The following STAB2 variants were observed in gnomAD, a reference collection of about 807,000 sequenced individuals.
STAB2 encodes the protein stabilin 2, also known as stabilin-2.
In STAB2, 288 loss-of-function variants were observed where a neutral mutation model predicts 338.1. The ratio of observed to expected loss-of-function variants is 0.85; its 90% CI spans 0.77 to 0.94. The LOEUF is 0.94. STAB2 is among the 40% of genes least tolerant of loss of function. STAB2 has a pLI of 0.00. For missense variants in STAB2, 3,141 were observed against 3,210.1 expected (o/e 0.98, Z 0.52); for synonymous variants, 1,202 against 1,193.3 (o/e 1.01, Z -0.15).
intron 27 of STAB2, among the ~76,000 whole-genome samples, chr12:103,685,451 T>TGC (rs1201045974): frequency 5.8e-5 from 8 of 138,046 alleles, no homozygotes; most frequent in East Asian, 2.6e-4. Context: ...TGTGTGTGTG[T>TGC]GTGCGCGTGC....
chr12:103,719,898 A>G (rs703654), intron 44 of STAB2, among the ~76,000 whole-genome samples: 46,373 of 152,082 alleles, frequency 0.3, 10,137 homozygotes, highest in African/African-American at 0.62. Flanking sequence ...TGGGGTGCTT[A>G]TTCTTCCTAC....
chr12:103,668,817 T>A, intron 20 of STAB2, 88 bp downstream of exon 20: 1 of 1,209,066 alleles, frequency 8.3e-7, no homozygotes, highest in Non-Finnish European at 1.1e-6. Flanking sequence ...GTCCACGTGG[T>A]CACAGGTGGC....
intron 19 of STAB2, among the ~76,000 whole-genome samples, chr12:103,666,951 C>T (rs568486591): frequency 1.4e-4 from 21 of 152,324 alleles, no homozygotes; most frequent in African/African-American, 5.1e-4. Context: ...ATCTGAGAAG[C>T]TCCATCTAAA....
chr12:103,692,992 A>G, intron 31 of STAB2, 103 bp downstream of exon 31: 1 of 840,286 alleles, frequency 1.2e-6, no homozygotes, highest in South Asian at 1.8e-5. Context: ...ACTTAGCCTT[A>G]TATGGAAGTA....
chr12:103,715,524 A>G (rs998949229), intron 42 of STAB2, among the ~76,000 whole-genome samples: 4 of 152,202 alleles, frequency 2.6e-5, no homozygotes, highest in East Asian at 1.9e-4. Context: ...CCAAGATTCT[A>G]TGGTTTCAAG....
intron 58 of STAB2, among the ~76,000 whole-genome samples, chr12:103,748,625 C>A (rs947673413): frequency 1.4e-5 from 1 of 74,008 alleles, no homozygotes; most frequent in Non-Finnish European, 2.9e-5. Context: ...CACACACACA[C>A]ACACACACAC....
rs113246772 is a variant in STAB2 at position 103,663,130 on chromosome 12, G to A, written c.2022+132G>A. The A allele has an allele frequency of 2.6e-4, 296 of 1,153,704 alleles. 1 individual carries two copies. Among genetic ancestry groups the A allele is most frequent in the Middle Eastern group, 9.4e-4 (4 of 4,266 alleles). The allele number at this position is 1,153,704 out of a possible 1,614,324, so 71.5% of individuals were successfully genotyped here. On this transcript the variant is annotated intron_variant, in intron 18 of 68. Transcript: ENST00000388887. ...AGAACCTTGTCCCCAAAGGGCTTCC[G>A]TCTTCATGAAGATGCAGGTGGATCT...
intron 42 of STAB2, 79 bp downstream of exon 42, chr12:103,713,847 T>C (rs1880083870): frequency 1.3e-6 from 2 of 1,571,224 alleles, no homozygotes; most frequent in African/African-American, 1.3e-5. Context: ...GTGTGTGCCC[T>C]GATTATCAGG....
chr12:103,676,222 G>A (rs749525430), intron 24 of STAB2, among the ~76,000 whole-genome samples: 88 of 151,870 alleles, frequency 5.8e-4, no homozygotes, highest in Non-Finnish European at 1.1e-3. Flanking sequence ...CCACCACCCC[G>A]GCTAATTTTT....
At chr12:103,594,326 G>T in intron 2 of STAB2, 69 bp from the exon 3 acceptor site, 2 of 1,175,788 alleles carry the variant, frequency 1.7e-6, no homozygotes, top group Admixed American at 1.7e-5. Flanking sequence ...GAAAGCTAAG[G>T]CAATTCTACC....
chr12:103,759,877 T>C (rs1038370898), intron 65 of STAB2, among the ~76,000 whole-genome samples: 4 of 152,222 alleles, frequency 2.6e-5, no homozygotes, highest in Admixed American at 1.3e-4. Context: ...AACCCTCATA[T>C]GGAGAATAGA....
At chr12:103,739,557 G>GTA (rs1882415653) in intron 54 of STAB2, 89 bp downstream of exon 54, 2 of 937,722 alleles carry the variant, frequency 2.1e-6, no homozygotes, top group Admixed American at 3.1e-5. Flanking sequence ...GTGTGTGTGT[G>GTA]TGTGTGTGTG....
chr12:103,750,724 A>G lies in STAB2; in HGVS notation c.6580+4A>G. ...TGTGTCGACCTCCACTTCCAGGGTT[A>G]GTGTGACCAGGGCCTATGGCCCAAA... is the stretch of plus-strand genomic sequence containing the variant. On this transcript the variant is annotated splice_donor_region_variant and intron_variant, in intron 60 of 68. Transcript: ENST00000388887. The G allele has an allele frequency of 6.2e-7, 1 of 1,611,838 alleles. No homozygotes were observed. Among genetic ancestry groups the G allele is most frequent in the South Asian group, 1.1e-5 (1 of 90,962 alleles).
intron 22 of STAB2, 137 bp from the exon 23 acceptor site, chr12:103,673,770 C>T (rs918417911): frequency 6.5e-6 from 6 of 926,578 alleles, no homozygotes; most frequent in Non-Finnish European, 7.9e-6. Context: ...AGTCTTCTCC[C>T]GGCTCAGCCC....
intron 56 of STAB2, among the ~76,000 whole-genome samples, chr12:103,744,153 T>G (rs958973474): frequency 6.6e-6 from 1 of 151,320 alleles, no homozygotes; most frequent in East Asian, 1.9e-4. Context: ...AATGTTACTT[T>G]TTTTTTTTGA....
intron 34 of STAB2, 26 bp from the exon 35 acceptor site, chr12:103,703,122 G>A: frequency 6.2e-7 from 1 of 1,602,722 alleles, no homozygotes; most frequent in Non-Finnish European, 8.5e-7. Context: ...GTCATAAAAA[G>A]TGACATTTAA....
intron 3 of STAB2, among the ~76,000 whole-genome samples, chr12:103,612,271 G>T (rs1029297496): frequency 2.0e-5 from 3 of 152,204 alleles, no homozygotes; most frequent in Non-Finnish European, 4.4e-5. Context: ...ATAATATCCT[G>T]CAGAGTGTTT....
chr12:103,703,149 T>C lies in STAB2; in HGVS notation c.3716T>C (p.Leu1239Pro). ...FLSFFLHNDQ[L>P]YVNEAPINYT... ...GACATTTAACCCTGTTGTTCACAGC[T>C]CTATGTAAATGAGGCTCCAATAAAC... Residue 1239 changes from leucine (L) to proline (P), a missense_variant and splice_region_variant, in exon 35 of 69, where the codon CTC (leucine) becomes CCC (proline). Transcript: ENST00000388887. 1.2e-6 allele frequency: 2 copies of C among 1,613,168 alleles called. No individual in the cohort carries two copies. The highest frequency in any genetic ancestry group is 1.7e-6 in the Non-Finnish European group (2 of 1,179,860).
chr12:103,713,263 A>C (rs77976636), intron 41 of STAB2, among the ~76,000 whole-genome samples: 1,583 of 152,266 alleles, frequency 0.01, 27 homozygotes, highest in African/African-American at 0.036. Flanking sequence ...AAAAAATGGA[A>C]AATCTTAAGG....
Sources: allele counts gnomAD v4.1 joint callset (sites outside exome capture counted in the v4.1 genomes callset), GRCh38; gene constraint gnomAD v4.1.1; transcripts MANE v1.5; gene names NCBI Gene and HGNC (gene_info 2026-07-23, HGNC 2026-07-21).